The following ESPN variants were observed in gnomAD, a reference collection of about 807,000 sequenced individuals.
ESPN encodes espin.
A neutral mutation model predicts 77.7 loss-of-function variants in ESPN; 68 were observed. The observed-to-expected ratio is 0.87, with a 90% CI of 0.72 to 1.07. The LOEUF is 1.07. ESPN is among the 50% of genes least tolerant of loss of function. ESPN has a pLI of 0.00. For missense variants in ESPN, 1,060 were observed against 1,239.0 expected, an observed-to-expected ratio of 0.86 and a Z score of 2.17; for synonymous variants, 449 against 567.1, an observed-to-expected ratio of 0.79 and a Z score of 2.96.
At chr1:6,429,094 GGGGAGGGAGGGA>G (rs373980812) in intron 2 of ESPN, among the ~76,000 whole-genome samples, 1 of 149,694 alleles carries the variant, frequency 6.7e-6, no homozygotes, top group African/African-American at 2.5e-5. Flanking sequence ...TGTGAGTCTT[GGGGAGGGAGGGA>G]GGGAGGGAGG....
chr1:6,440,409 A>G lies in ESPN; in HGVS notation c.644A>G (p.Gln215Arg), dbSNP rs1643580175. 1.9e-6 allele frequency: 3 copies of G among 1,578,674 alleles called. No individual in the cohort carries two copies. Among genetic ancestry groups the G allele is most frequent in the Non-Finnish European group, 1.7e-6 (2 of 1,164,620 alleles). The change falls in exon 3 of 13, where the codon CAG becomes CGG. Residue 215 changes from glutamine (Q) to arginine (R), a missense_variant. Around this residue, in one of 3 missense-constraint regions of ESPN, gnomAD observed 556 missense variants for 633.6 expected, o/e 0.88. Coordinates refer to ENST00000645284, the MANE Select transcript of ESPN (RefSeq NM_031475.3). ...DGMTPLHAAA[Q>R]MGHSPVIVWL... ...ATGACCCCGCTGCACGCCGCGGCGC[A>G]GATGGGCCACAGCCCAGTCATCGTG...
rs549758416 is a variant in ESPN at position 6,457,184 on chromosome 1, G to A, written c.2326G>A (p.Glu776Lys). 7.0e-5 allele frequency: 111 copies of A among 1,587,466 alleles called. No individual in the cohort carries two copies. In the East Asian group the frequency reaches 2.5e-3, roughly 36 times the overall value. The change falls in exon 11 of 13, where the codon GAG becomes AAG. Residue 776 changes from glutamate to lysine, a missense_variant and splice_region_variant. Glu to Lys is a moderately conservative substitution (Grantham distance 56, BLOSUM62 1). This residue lies in a region of ESPN where 374 missense variants were observed against 381.4 expected (regional missense o/e 0.98). Coordinates refer to ENST00000645284, the MANE Select transcript of ESPN (RefSeq NM_031475.3). The stretch of plus-strand genomic sequence containing the variant: ...CTGAAGCTTTGTGGTTGTGTTTCAG[G>A]AGGAGGAGGAGGAGGCCCGGCTGGC... ...MQEEEEQRRK[E>K]EEEEARLASM...
At chr1:6,445,583 T>G in intron 6 of ESPN, 81 bp from the exon 7 acceptor site, 2 of 1,514,638 alleles carry the variant, frequency 1.3e-6, no homozygotes, top group South Asian at 1.2e-5. Flanking sequence ...GCAAGTTGTT[T>G]CCAGGTGGTG....
intron 1 of ESPN, among the ~76,000 whole-genome samples, chr1:6,426,808 C>T (rs558562862): frequency 5.9e-5 from 9 of 152,112 alleles, no homozygotes; most frequent in Admixed American, 5.2e-4. Flanking sequence ...CCTTTGGGCT[C>T]GGAGGGGACA....
chr1:6,440,368 G>C lies in ESPN; in HGVS notation c.603G>C (p.Ala201=). Residue 201 remains alanine, a synonymous_variant, in exon 3 of 13, where the codon GCG becomes GCC. Transcript: ENST00000645284. Reference sequence around the variant, plus strand: ...AGGAATGCGGCGCAGACCCGCACGCGCGCGCCCACGACGGCATGACCCCGC... The same window carrying C: ...AGGAATGCGGCGCAGACCCGCACGCCCGCGCCCACGACGGCATGACCCCGC... ...LVQECGADPH[A]RAHDGMTPLH... The C allele has an allele frequency of 6.3e-7, 1 of 1,587,174 alleles. No individual in the cohort carries two copies. The highest frequency in any genetic ancestry group is 1.1e-5 in the South Asian group (1 of 87,854).
chr1:6,425,044 C>G lies in ESPN; in HGVS notation c.89C>G (p.Ser30Trp). 1 of 1,469,068 alleles carries G rather than the reference C, an allele frequency of 6.8e-7. No homozygotes were observed. Among genetic ancestry groups the G allele is most frequent in the Non-Finnish European group, 8.9e-7 (1 of 1,117,470 alleles). The allele number at this position is 1,469,068 out of a possible 1,614,324, so 91.0% of individuals were successfully genotyped here. A position where few individuals can be genotyped will look rare whatever the true frequency, so the allele number is the denominator to read the frequency against. ...SLHAAGLLGP[S>W]LRDPLDALPV... is the part of the protein sequence containing the mutation. ...CACGCCGCAGGCCTCCTGGGGCCCT[C>G]GCTGCGCGACCCGCTGGACGCGCTG... The change falls in exon 1 of 13, where the codon TCG becomes TGG. Residue 30 changes from serine to tryptophan, a missense_variant. Ser to Trp is a radical substitution (Grantham distance 177). Around this residue, in one of 3 missense-constraint regions of ESPN, gnomAD observed 556 missense variants for 633.6 expected, o/e 0.88. Transcript: ENST00000645284.
intron 6 of ESPN, chr1:6,445,426 C>T (rs1643793065): frequency 6.4e-6 from 4 of 622,124 alleles, no homozygotes; most frequent in African/African-American, 1.8e-5. Flanking sequence ...CCAAAGCCTC[C>T]AGTGCTTCCC....
chr1:6,450,976 G>A lies in ESPN; in HGVS notation c.1916-627G>A, dbSNP rs536741232. ...CTCCTGGGTGCCTCCCGTAGCCTTA[G>A]TAAGGGCTCTGCTTTCCTGGGCCCC... On this transcript the variant is annotated intron_variant, in intron 8 of 12. Coordinates refer to ENST00000645284, the MANE Select transcript of ESPN (RefSeq NM_031475.3). The surrounding 1 kb of genome is among the most constrained non-coding windows in gnomAD (Gnocchi z 4.3). Among the ~76,000 whole-genome samples, 470 of 152,286 alleles carry A rather than the reference G, an allele frequency of 3.1e-3. 4 individuals are homozygous for A. Among genetic ancestry groups the A allele is most frequent in the African/African-American group, 0.011 (440 of 41,534 alleles).
In ESPN at chr1:6,447,874, C is replaced by G. The variant is rs1333954357; in HGVS notation, c.1465-767C>G. On this transcript the variant is annotated intron_variant, in intron 7 of 12. Transcript: ENST00000645284. The surrounding 1 kb of genome is among the most constrained non-coding windows in gnomAD (Gnocchi z 5.2). ...CGCAGGGGGCGGGGTCACATCTGGC[C>G]GGGGACGGGTGCAGAGCCGCGGCCA... is the stretch of plus-strand genomic sequence containing the variant. 6.6e-6 allele frequency among the ~76,000 whole-genome samples: 1 copy of G among 152,150 alleles called. No homozygotes were observed. The highest frequency in any genetic ancestry group is 2.4e-5 in the African/African-American group (1 of 41,438).
At chr1:6,454,198 G>T (rs897194422) in intron 10 of ESPN, among the ~76,000 whole-genome samples, 7 of 152,188 alleles carry the variant, frequency 4.6e-5, no homozygotes, top group Admixed American at 2.6e-4. Flanking sequence ...CCAGCGACCG[G>T]CCGTGCCCCA....
At chr1:6,446,438 A>C (rs1273027558) in intron 7 of ESPN, among the ~76,000 whole-genome samples, 1 of 152,040 alleles carries the variant, frequency 6.6e-6, no homozygotes, top group African/African-American at 2.4e-5. Context: ...GGCTGGGTGG[A>C]AGTGAAGCTG....
intron 10 of ESPN, chr1:6,456,188 T>G: frequency 2.5e-6 from 1 of 398,068 alleles, no homozygotes; most frequent in Non-Finnish European, 4.4e-6. Flanking sequence ...CAGAGCTGTT[T>G]GACATCTGAG....
chr1:6,460,255 C>A lies in ESPN; in HGVS notation c.*109C>A. 7.1e-7 allele frequency: 1 copy of A among 1,418,000 alleles called. No homozygotes were observed. Among genetic ancestry groups the A allele is most frequent in the Non-Finnish European group, 9.6e-7 (1 of 1,046,472 alleles). The allele number at this position is 1,418,000 out of a possible 1,614,324, so 87.8% of individuals were successfully genotyped here. ...CTGGGAGCCGCACAGCCCTCCCCTC[C>A]TGCGCTGGAAACCCTCCCTGACCCC... On this transcript the variant is annotated 3_prime_UTR_variant, in exon 13 of 13. Coordinates refer to ENST00000645284, the MANE Select transcript of ESPN (RefSeq NM_031475.3).
At chr1:6,429,430 G>A (rs1441081497) in intron 2 of ESPN, among the ~76,000 whole-genome samples, 1 of 152,152 alleles carries the variant, frequency 6.6e-6, no homozygotes, top group Non-Finnish European at 1.5e-5. Context: ...ACTGGCTCCT[G>A]TCAGCACCTC....
chr1:6,432,555 C>T (rs571949711), intron 2 of ESPN, among the ~76,000 whole-genome samples: 1 of 152,224 alleles, frequency 6.6e-6, no homozygotes, highest in East Asian at 1.9e-4. Flanking sequence ...GTCGTCTAAC[C>T]GGGGCTAGTG....
Position 6,448,928 on chromosome 1 carries a change from C to A in ESPN, c.1752C>A (p.Gly584=). 1.4e-6 allele frequency: 2 copies of A among 1,395,192 alleles called. No homozygotes were observed. Among genetic ancestry groups the A allele is most frequent in the Non-Finnish European group, 9.3e-7 (1 of 1,079,144 alleles). The allele number at this position is 1,395,192 out of a possible 1,614,324, so 86.4% of individuals were successfully genotyped here. ...ALLPGNHVPN[G]CAADPKASRE... The stretch of plus-strand genomic sequence containing the variant: ...TTCCTGGGAACCATGTTCCTAACGG[C>A]TGCGCCGCGGACCCCAAGGCGTCCA... The change falls in exon 8 of 13, where the codon GGC becomes GGA. Residue 584 remains glycine, a synonymous_variant. Coordinates refer to ENST00000645284, the MANE Select transcript of ESPN (RefSeq NM_031475.3).
intron 3 of ESPN, 73 bp downstream of exon 3, chr1:6,440,513 G>A: frequency 8.5e-7 from 1 of 1,181,066 alleles, no homozygotes. Context: ...GAGGGAGCGG[G>A]GCCATCAGGG....
intron 2 of ESPN, among the ~76,000 whole-genome samples, chr1:6,429,626 C>T (rs1477407262): frequency 1.3e-5 from 2 of 152,174 alleles, no homozygotes; most frequent in Admixed American, 1.3e-4. Flanking sequence ...CAATATGGCC[C>T]AAGTGTGAAC....
Position 6,445,809 on chromosome 1 carries a change from C to G in ESPN, c.1338C>G (p.Thr446=), listed in dbSNP as rs1013368803. The change falls in exon 7 of 13, where the codon ACC becomes ACG. Residue 446 remains threonine (T), a synonymous_variant. Transcript: ENST00000645284. ...CCCCGCCACCCCCGCCCCCAGGCAC[C>G]CAACTGCCCCCACCCCCACCTGGCT... ...SFPPPPPPPG[T]QLPPPPPGYP... 2.0e-6 allele frequency: 3 copies of G among 1,502,140 alleles called. No individual in the cohort carries two copies. The African/African-American group carries it at 4.2e-5, about 21-fold the overall frequency. The allele number at this position is 1,502,140 out of a possible 1,614,324, so 93.1% of individuals were successfully genotyped here.
Sources: gnomAD v4.1 joint callset for allele counts (sites outside exome capture counted in the v4.1 genomes callset) on GRCh38, gnomAD v4.1.1 for gene constraint, gnomAD v4.1.1 regional missense constraint, Gnocchi (gnomAD v3.1) non-coding constraint, MANE v1.5 for transcripts, NCBI Gene and HGNC (gene_info 2026-07-23, HGNC 2026-07-21) for gene names.